Variants in WWOX observed in about 807,000 individuals in gnomAD.
WWOX encodes WW domain-containing oxidoreductase.
WWOX carries 69 observed loss-of-function variants against 46.2 expected under a neutral mutation model. The ratio of observed to expected loss-of-function variants is 1.49; its 90% CI spans 1.23 to 1.82. The LOEUF (loss-of-function observed/expected upper bound fraction) is 1.82. Ranked by LOEUF, WWOX falls within the 40% of genes most tolerant of loss-of-function variation. The pLI is 0.00. For synonymous variants in WWOX, 359 were observed against 202.6 expected (o/e 1.77, Z -6.56); for missense variants, 919 against 542.6 (o/e 1.69, Z -6.89).
At chr16:78,956,312 A>AT (rs985919168) in intron 8 of WWOX, among the ~76,000 whole-genome samples, 11 of 151,100 alleles carry the variant, frequency 7.3e-5, no homozygotes, top group South Asian at 2.1e-4. Context: ...TACCCAGCTC[A>AT]TTTTTTTTTA....
intron 6 of WWOX, among the ~76,000 whole-genome samples, chr16:78,410,505 C>T (rs961991817): frequency 1.3e-5 from 2 of 152,102 alleles, no homozygotes; most frequent in Middle Eastern, 3.4e-3. Context: ...CTTTCTTGGG[C>T]TGCAATCAAG....
intron 8 of WWOX, among the ~76,000 whole-genome samples, chr16:79,125,128 C>T (rs533760955): frequency 6.6e-6 from 1 of 151,378 alleles, no homozygotes; most frequent in South Asian, 2.1e-4. Flanking sequence ...CTATCCATTT[C>T]TCAGTTTGAA....
At chr16:78,997,921 G>A (rs2047021524) in intron 8 of WWOX, among the ~76,000 whole-genome samples, 1 of 151,990 alleles carries the variant, frequency 6.6e-6, no homozygotes, top group African/African-American at 2.4e-5. Flanking sequence ...TTATTGCCTA[G>A]GCTGGAGTAC....
At chr16:78,655,248 CAG>C (rs1163046681) in intron 8 of WWOX, among the ~76,000 whole-genome samples, 2 of 152,146 alleles carry the variant, frequency 1.3e-5, no homozygotes, top group African/African-American at 4.8e-5. Flanking sequence ...TCTGGCTTCT[CAG>C]GGTGGTGGGG....
At chr16:78,674,668 T>G (rs2047548995) in intron 8 of WWOX, among the ~76,000 whole-genome samples, 1 of 152,154 alleles carries the variant, frequency 6.6e-6, no homozygotes, top group Non-Finnish European at 1.5e-5. Flanking sequence ...TCCTGCCCCA[T>G]AACCTAACCT....
In WWOX at chr16:78,667,670, CAAAAA is replaced by C. The variant is rs35375082; in HGVS notation, c.1056+234937_1056+234941del. 6.5e-5 allele frequency among the ~76,000 whole-genome samples: 4 copies of C among 61,310 alleles called. No individual in the cohort carries two copies. The South Asian group carries it at 2.1e-3, about 32-fold the overall frequency. 40.2% of individuals were successfully genotyped at this position (61,310 alleles called of 152,430 possible). A position where few individuals can be genotyped will look rare whatever the true frequency, so the allele number is the denominator to read the frequency against. Reference sequence around the variant, plus strand: ...TGGGCGACAGAGTGAGACTCCGTCTCAAAAAAAAAAAAAAAAAAAAAAAGATAATG... The same window carrying C: ...TGGGCGACAGAGTGAGACTCCGTCTCAAAAAAAAAAAAAAAAAAGATAATG... On this transcript the variant is annotated intron_variant, in intron 8 of 8. Coordinates refer to ENST00000566780, the MANE Select transcript of WWOX (RefSeq NM_016373.4).
chr16:78,493,859 C>T (rs554908483), intron 8 of WWOX, among the ~76,000 whole-genome samples: 65 of 152,302 alleles, frequency 4.3e-4, no homozygotes, highest in African/African-American at 1.5e-3. Context: ...TGATCATCGT[C>T]AATTTTCTTT....
intron 8 of WWOX, among the ~76,000 whole-genome samples, chr16:79,178,279 C>G (rs4888933): frequency 2.0e-5 from 3 of 152,140 alleles, no homozygotes; most frequent in Admixed American, 2.0e-4. Context: ...CAGGATTTGA[C>G]CCATGGGCTG....
chr16:78,303,913 C>A (rs1317881473), intron 5 of WWOX, among the ~76,000 whole-genome samples: 1 of 152,204 alleles, frequency 6.6e-6, no homozygotes, highest in East Asian at 1.9e-4. Flanking sequence ...CTGGAAAGAG[C>A]CAAGCCGTCA....
At chr16:78,722,870 A>G (rs2048728008) in intron 8 of WWOX, among the ~76,000 whole-genome samples, 1 of 151,744 alleles carries the variant, frequency 6.6e-6, no homozygotes, top group Non-Finnish European at 1.5e-5. Flanking sequence ...ATGAAAACCT[A>G]ATGTCTACAA....
chr16:79,211,492 C>T, intron 8 of WWOX, 116 bp from the exon 9 acceptor site: 1 of 1,335,304 alleles, frequency 7.5e-7, no homozygotes. Flanking sequence ...ATGCCAAGAT[C>T]CAGCTGAAAC....
In WWOX at chr16:78,185,051, T is replaced by TG. The variant is rs370915061; in HGVS notation, c.516+20763dup. Among the ~76,000 whole-genome samples, 759 of 152,308 alleles carry TG rather than the reference T, an allele frequency of 5.0e-3. 7 individuals carry two copies. The highest frequency in any genetic ancestry group is 0.017 in the African/African-American group (727 of 41,576). On this transcript the variant is annotated intron_variant, in intron 5 of 8. Transcript: ENST00000566780. ...GTGACAGAGGAAGAGAGGGATGTGC[T>TG]GACCCTCGCTCTGGCTCAAAAGTGA...
rs1049911002 is a variant in WWOX at position 78,460,302 on chromosome 16, A to G, written c.1056+27550A>G. ...ACCACCACACCCAGCTAGTTTTTCT[A>G]TTTTTAGTAGAGGCGGAGTTTCACC... On this transcript the variant is annotated intron_variant, in intron 8 of 8. Coordinates refer to ENST00000566780, the MANE Select transcript of WWOX (RefSeq NM_016373.4). 5.9e-5 allele frequency among the ~76,000 whole-genome samples: 9 copies of G among 151,958 alleles called. No homozygotes were observed. In the South Asian group the frequency reaches 6.2e-4, roughly 11 times the overall value.
chr16:78,570,677 A>G lies in WWOX; in HGVS notation c.1056+137925A>G, dbSNP rs1336185705. 3.9e-5 allele frequency among the ~76,000 whole-genome samples: 6 copies of G among 152,250 alleles called. No homozygotes were observed. In the East Asian group the frequency reaches 1.2e-3, roughly 29 times the overall value. On this transcript the variant is annotated intron_variant, in intron 8 of 8. Coordinates refer to ENST00000566780, the MANE Select transcript of WWOX (RefSeq NM_016373.4). ...CGTTTCTCAAGCTTCTGAAGACACA[A>G]AGGTGAACCCCAGACAAGCCAGGTT...
intron 5 of WWOX, among the ~76,000 whole-genome samples, chr16:78,308,205 C>G (rs2080169627): frequency 6.6e-6 from 1 of 152,180 alleles, no homozygotes; most frequent in African/African-American, 2.4e-5. Context: ...CCACCCAGAG[C>G]TGCAAGAGAG....
intron 3 of WWOX, among the ~76,000 whole-genome samples, chr16:78,110,953 A>G (rs2032455057): frequency 1.3e-5 from 2 of 152,216 alleles, no homozygotes; most frequent in South Asian, 4.1e-4. Context: ...AAGCTTGAAT[A>G]GTCTTTGACA....
intron 6 of WWOX, among the ~76,000 whole-genome samples, chr16:78,397,140 G>C (rs950624513): frequency 2.0e-5 from 3 of 152,180 alleles, no homozygotes; most frequent in Admixed American, 6.5e-5. Flanking sequence ...TCACGGCTGA[G>C]AGAAGAGGAA....
intron 8 of WWOX, among the ~76,000 whole-genome samples, chr16:78,943,077 G>T (rs980847841): frequency 6.6e-6 from 1 of 152,074 alleles, no homozygotes; most frequent in Non-Finnish European, 1.5e-5. Context: ...GGGCAATGAC[G>T]GCAACTATTT....
intron 8 of WWOX, among the ~76,000 whole-genome samples, chr16:78,673,590 C>T (rs759092367): frequency 2.0e-5 from 3 of 152,068 alleles, no homozygotes; most frequent in Non-Finnish European, 4.4e-5. Flanking sequence ...TTGGCAGGCA[C>T]CCATTAGTGT....
Sources: allele counts gnomAD v4.1 joint callset (sites outside exome capture counted in the v4.1 genomes callset), GRCh38; gene constraint gnomAD v4.1.1; transcripts MANE v1.5; gene names NCBI Gene and HGNC (gene_info 2026-07-23, HGNC 2026-07-21).